CELF2: variants seen among roughly 807,000 people sequenced by gnomAD.
CELF2 encodes the protein CUGBP Elav-like family member 2, also known as CUG triplet repeat RNA-binding protein 2.
In CELF2, 8 loss-of-function variants were observed where a neutral mutation model predicts 62.6. That is an observed-to-expected ratio of 0.13 (90% CI 0.07 to 0.23). The LOEUF is 0.23. Among genes scored for constraint, CELF2 ranks in the 10% least tolerant of loss-of-function variants. CELF2 has a pLI of 1.00. For missense variants in CELF2, 333 were observed against 671.0 expected, an observed-to-expected ratio of 0.50 and a Z score of 5.56; for synonymous variants, 258 against 250.0, an observed-to-expected ratio of 1.03 and a Z score of -0.30.
At chr10:10,793,678 G>A (rs1241226709), upstream of CELF2, among the ~76,000 whole-genome samples, 1 of 152,116 alleles carries the variant, frequency 6.6e-6, no homozygotes, top group Admixed American at 6.5e-5. Flanking sequence ...GAAGAAATAG[G>A]CATATTTTGA....
chr10:11,088,320 A>G (rs926850160), intron 1 of CELF2, among the ~76,000 whole-genome samples: 5 of 152,254 alleles, frequency 3.3e-5, no homozygotes, highest in African/African-American at 1.2e-4. Context: ...TTTAGAGGGC[A>G]GTGACCAATC....
intron 2 of CELF2, among the ~76,000 whole-genome samples, chr10:10,969,343 G>GT: frequency 6.6e-6 from 1 of 152,326 alleles, no homozygotes; most frequent in South Asian, 2.1e-4. Context: ...TAGGCATTAA[G>GT]GAGAAACATC....
chr10:10,815,716 AGCTTCCTTGTCT>A (rs1033642385), intron 1 of CELF2, among the ~76,000 whole-genome samples: 34 of 152,194 alleles, frequency 2.2e-4, no homozygotes, highest in African/African-American at 8.2e-4. Flanking sequence ...CCATGAAATT[AGCTTCCTTGTCT>A]TTTGCATACG....
chr10:10,561,565 T>C, the CELF2 span, among the ~76,000 whole-genome samples: 2 of 152,182 alleles, frequency 1.3e-5, no homozygotes, highest in East Asian at 1.9e-4. Context: ...TGATGAGTGC[T>C]AAGGAGAAAA....
the CELF2 span, among the ~76,000 whole-genome samples, chr10:10,616,143 A>T: frequency 2.0e-5 from 3 of 152,090 alleles, no homozygotes; most frequent in African/African-American, 7.3e-5. Context: ...GCTGACAGGA[A>T]CCTAAGCCTG....
chr10:10,886,656 G>C (rs2061769723), intron 1 of CELF2, among the ~76,000 whole-genome samples: 1 of 152,196 alleles, frequency 6.6e-6, no homozygotes, highest in Admixed American at 6.5e-5. Context: ...AGGCAATACA[G>C]TGAGACACCA....
chr10:10,929,345 G>A (rs922762954), intron 2 of CELF2, among the ~76,000 whole-genome samples: 1 of 152,140 alleles, frequency 6.6e-6, no homozygotes, highest in African/African-American at 2.4e-5. Context: ...CCATCTCATA[G>A]TATCACTGTG....
intron 2 of CELF2, among the ~76,000 whole-genome samples, chr10:11,190,374 T>C (rs1310110454): frequency 1.3e-5 from 2 of 152,204 alleles, no homozygotes; most frequent in Non-Finnish European, 2.9e-5. Context: ...TTAAATTGTT[T>C]GCAGGATGTT....
chr10:10,956,360 G>C (rs931391747), intron 2 of CELF2, among the ~76,000 whole-genome samples: 1 of 152,170 alleles, frequency 6.6e-6, no homozygotes, highest in South Asian at 2.1e-4. Flanking sequence ...TCACGAGGGG[G>C]AAGTGTTCCA....
chr10:10,853,464 C>A (rs1345847085), intron 1 of CELF2, among the ~76,000 whole-genome samples: 1 of 151,888 alleles, frequency 6.6e-6, no homozygotes, highest in Non-Finnish European at 1.5e-5. Context: ...GGTTACAAAC[C>A]AGTTTTGGAA....
chr10:10,536,250 C>T, the CELF2 span, among the ~76,000 whole-genome samples: 3 of 152,084 alleles, frequency 2.0e-5, no homozygotes, highest in Non-Finnish European at 4.4e-5. Context: ...GATCTCCTGA[C>T]CTTGTGATCT....
At chr10:11,113,455 T>C (rs1046707079) in intron 1 of CELF2, among the ~76,000 whole-genome samples, 3 of 152,112 alleles carry the variant, frequency 2.0e-5, no homozygotes, top group Non-Finnish European at 4.4e-5. Flanking sequence ...TAGAAACATA[T>C]CAGAGGGTGG....
the CELF2 span, among the ~76,000 whole-genome samples, chr10:10,705,214 C>T: frequency 2.0e-5 from 3 of 152,030 alleles, no homozygotes; most frequent in Non-Finnish European, 1.5e-5. Context: ...ATTTTCTTCC[C>T]TCCTATTCAT....
At chr10:10,807,243 TA>T (rs930702548) in intron 1 of CELF2, among the ~76,000 whole-genome samples, 22 of 152,338 alleles carry the variant, frequency 1.4e-4, no homozygotes, top group African/African-American at 4.8e-4. Flanking sequence ...GTCCCCAAAA[TA>T]TTTTAATGTT....
At chr10:10,725,807 G>A in the CELF2 span, among the ~76,000 whole-genome samples, 14 of 151,588 alleles carry the variant, frequency 9.2e-5, no homozygotes, top group African/African-American at 1.5e-4. Context: ...GCTCCAGTTC[G>A]CTTCCTTCCT....
chr10:10,992,815 T>C (rs1467313762), intron 2 of CELF2, among the ~76,000 whole-genome samples: 1 of 152,210 alleles, frequency 6.6e-6, no homozygotes, highest in African/African-American at 2.4e-5. Flanking sequence ...GTTACGGCAG[T>C]AGGTTAAACA....
chr10:10,766,843 A>G, the CELF2 span, among the ~76,000 whole-genome samples: 1 of 152,216 alleles, frequency 6.6e-6, no homozygotes, highest in Non-Finnish European at 1.5e-5. Flanking sequence ...GAAAGTCTAC[A>G]GGCTTTGTAC....
chr10:10,804,529 A>T (rs907381164), intron 1 of CELF2, among the ~76,000 whole-genome samples: 2 of 152,234 alleles, frequency 1.3e-5, no homozygotes, highest in Admixed American at 1.3e-4. Context: ...AGCCCTGGTG[A>T]TATTTCAAAG....
the CELF2 span, among the ~76,000 whole-genome samples, chr10:10,545,249 G>A: frequency 6.6e-6 from 1 of 152,210 alleles, no homozygotes; most frequent in African/African-American, 2.4e-5. Context: ...CTATGGGGAT[G>A]CGTAGAGGCA....
Sources: allele counts gnomAD v4.1 joint callset (sites outside exome capture counted in the v4.1 genomes callset), GRCh38; gene constraint gnomAD v4.1.1; transcripts MANE v1.5; gene names NCBI Gene and HGNC (gene_info 2026-07-23, HGNC 2026-07-21).